The following MAML3 variants were observed in gnomAD, a reference collection of about 807,000 sequenced individuals.
The protein encoded by MAML3 is mastermind like transcriptional coactivator 3, also known as mastermind-like protein 3.
MAML3 carries 27 observed loss-of-function variants against 101.9 expected under a neutral mutation model. The ratio of observed to expected loss-of-function variants is 0.27; its 90% confidence interval spans 0.20 to 0.37. The LOEUF is 0.37. Among genes scored for constraint, MAML3 ranks in the 10% least tolerant of loss-of-function variants. MAML3 has a pLI of 1.00. For missense variants in MAML3, 1,316 were observed against 1,444.9 expected (o/e 0.91, Z 1.45); for synonymous variants, 501 against 555.9 (o/e 0.90, Z 1.39).
chr4:140,091,775 G>A (rs1367606843), intron 1 of MAML3, among the ~76,000 whole-genome samples: 2 of 151,882 alleles, frequency 1.3e-5, no homozygotes, highest in African/African-American at 4.8e-5. Flanking sequence ...GGCTGTTTAT[G>A]CCCAGAACAG....
chr4:139,810,728 G>A (rs1472990424), intron 2 of MAML3, among the ~76,000 whole-genome samples: 1 of 152,020 alleles, frequency 6.6e-6, no homozygotes, highest in Admixed American at 6.6e-5. Context: ...TTATAGTTAG[G>A]GTTATAAAAA....
chr4:139,971,020 G>C (rs17005331), intron 1 of MAML3, among the ~76,000 whole-genome samples: 3,656 of 152,244 alleles, frequency 0.024, 147 homozygotes, highest in African/African-American at 0.082. Context: ...CTTAGAACTA[G>C]AAAGCCTTAG....
rs57773664 is a variant in MAML3, at chr4:139,833,114, T to C, written c.2079+56243A>G. 6.5e-3 allele frequency among the ~76,000 whole-genome samples: 997 copies of C among 152,312 alleles called. 14 individuals are homozygous for C. Among genetic ancestry groups the C allele is most frequent in the African/African-American group, 0.022 (932 of 41,566 alleles). On this transcript the variant is annotated intron_variant, in intron 2 of 4. Coordinates refer to ENST00000509479, the MANE Select transcript of MAML3 (RefSeq NM_018717.5). ...GGAGGTTCAGCTCCCTCACTCTTCG[T>C]CACGTCACCAGCAGCTTCTTAGCAG...
At chr4:139,992,153 G>C (rs1363881505) in intron 1 of MAML3, among the ~76,000 whole-genome samples, 1 of 152,132 alleles carries the variant, frequency 6.6e-6, no homozygotes. Flanking sequence ...TAATTTTGGG[G>C]GGTATCCATC....
chr4:139,840,699 TG>T (rs1731346726), intron 2 of MAML3, among the ~76,000 whole-genome samples: 1 of 152,208 alleles, frequency 6.6e-6, no homozygotes. Context: ...TTTTGCAGCC[TG>T]TTGAACTAAG....
At chr4:139,743,468 C>T (rs191075745) in intron 2 of MAML3, among the ~76,000 whole-genome samples, 4 of 152,286 alleles carry the variant, frequency 2.6e-5, no homozygotes, top group Admixed American at 2.6e-4. Flanking sequence ...TTTATCCTCT[C>T]CCCCATTTTA....
chr4:139,884,257 T>A, intron 2 of MAML3, among the ~76,000 whole-genome samples: 1 of 152,212 alleles, frequency 6.6e-6, no homozygotes, highest in South Asian at 2.1e-4. Flanking sequence ...CTGTTCTTTC[T>A]CTGGAGATTT....
At chr4:139,730,337 A>C (rs1309140869) in intron 3 of MAML3, 79 bp downstream of exon 3, 3 of 1,303,722 alleles carry the variant, frequency 2.3e-6, no homozygotes, top group Middle Eastern at 1.8e-4. Flanking sequence ...GTGAACTGCC[A>C]CTTCCTCACA....
At chr4:140,124,148 G>GT (rs1728650922) in intron 1 of MAML3, among the ~76,000 whole-genome samples, 1 of 152,098 alleles carries the variant, frequency 6.6e-6, no homozygotes. Flanking sequence ...TTTCTCTGAC[G>GT]TTTTTAACAA....
rs553839378 is a variant in MAML3 at position 139,780,553 on chromosome 4, T to A, written c.2080-49886A>T. On this transcript the variant is annotated intron_variant, in intron 2 of 4. Coordinates refer to ENST00000509479, the MANE Select transcript of MAML3 (RefSeq NM_018717.5). ...CCTTTTCATTGTTTCTCCTGAGTAATCCTTGAAAAAACTGCTTTTTATTGT... is the reference window on the plus strand; with the variant it reads ...CCTTTTCATTGTTTCTCCTGAGTAAACCTTGAAAAAACTGCTTTTTATTGT... Among the ~76,000 whole-genome samples, 26 of 152,110 alleles carry A rather than the reference T, an allele frequency of 1.7e-4. 1 individual carries two copies. The South Asian group carries it at 5.0e-3, about 29-fold the overall frequency.
intron 1 of MAML3, among the ~76,000 whole-genome samples, chr4:139,965,413 A>G (rs1038636057): frequency 6.6e-6 from 1 of 152,180 alleles, no homozygotes; most frequent in Admixed American, 6.5e-5. Context: ...CTGTGGCCAT[A>G]ACAATCTGCA....
intron 2 of MAML3, among the ~76,000 whole-genome samples, chr4:139,756,596 C>T (rs1729655787): frequency 6.6e-6 from 1 of 152,126 alleles, no homozygotes. Context: ...AATTCAAGCT[C>T]GTAATAAAAC....
At position 140,153,314 on chromosome 4, in the gene MAML3, G is replaced by A. The variant is rs1281850191; in HGVS notation, c.14C>T (p.Ala5Val). The A allele has an allele frequency of 1.3e-6, 2 of 1,594,286 alleles. No homozygotes were observed. Among genetic ancestry groups the A allele is most frequent in the Non-Finnish European group, 1.7e-6 (2 of 1,169,516 alleles). Residue 5 changes from alanine to valine, a missense_variant, in exon 1 of 5, where the codon GCA becomes GTA. Physicochemically the swap from Ala to Val is moderately conservative, Grantham distance 64. Coordinates refer to ENST00000509479, the MANE Select transcript of MAML3 (RefSeq NM_018717.5). The stretch of plus-strand genomic sequence containing the variant: ...GCCATTCGCGGCAGCAGCGGGGGCT[G>A]CGAAATCCCCCATCCTGCTCCCCGG... MGDF[A>V]APAAAANGSS...
intron 2 of MAML3, among the ~76,000 whole-genome samples, chr4:139,814,250 T>C (rs1268446258): frequency 2.0e-5 from 3 of 152,220 alleles, no homozygotes; most frequent in Non-Finnish European, 4.4e-5. Context: ...TACAGATTCA[T>C]ACTAGAAGAA....
rs181377427 is a variant in MAML3 at position 140,007,638 on chromosome 4, G to T, written c.469-116671C>A. Among the ~76,000 whole-genome samples the T allele has an allele frequency of 1.5e-3, 225 of 152,328 alleles. 1 individual carries two copies. Among genetic ancestry groups the T allele is most frequent in the African/African-American group, 5.2e-3 (215 of 41,562 alleles). Reference sequence around the variant, plus strand: ...AGGGAGGTGGTCGGGGTAAGATCAGGTTATATTCCAAAGCCACCAGCCATT... The same window carrying T: ...AGGGAGGTGGTCGGGGTAAGATCAGTTTATATTCCAAAGCCACCAGCCATT... On this transcript the variant is annotated intron_variant, in intron 1 of 4. Coordinates refer to ENST00000509479, the MANE Select transcript of MAML3 (RefSeq NM_018717.5).
chr4:139,766,023 T>A (rs1729853748), intron 2 of MAML3, among the ~76,000 whole-genome samples: 2 of 152,118 alleles, frequency 1.3e-5, no homozygotes, highest in African/African-American at 4.8e-5. Flanking sequence ...GAATGAAGTG[T>A]CTATCGAGCA....
intron 2 of MAML3, among the ~76,000 whole-genome samples, chr4:139,813,251 A>G (rs1163800649): frequency 6.6e-6 from 1 of 152,164 alleles, no homozygotes; most frequent in Non-Finnish European, 1.5e-5. Flanking sequence ...AAAATAGAGT[A>G]GAGAACATCA....
chr4:139,758,645 A>G (rs1040137090), intron 2 of MAML3, among the ~76,000 whole-genome samples: 1 of 152,206 alleles, frequency 6.6e-6, no homozygotes, highest in Non-Finnish European at 1.5e-5. Flanking sequence ...TCGGTACGTT[A>G]TCAAACATTT....
At chr4:139,954,429 G>A (rs1158478139) in intron 1 of MAML3, among the ~76,000 whole-genome samples, 1 of 152,228 alleles carries the variant, frequency 6.6e-6, no homozygotes. Context: ...GAACACCTTT[G>A]TCAGAATTTC....
Sources: allele counts gnomAD v4.1 joint callset (sites outside exome capture counted in the v4.1 genomes callset), GRCh38; gene constraint gnomAD v4.1.1; transcripts MANE v1.5; gene names NCBI Gene and HGNC (gene_info 2026-07-23, HGNC 2026-07-21).